The following C8orf34 variants were observed in gnomAD, a reference collection of about 807,000 sequenced individuals.
C8orf34 encodes the protein chromosome 8 open reading frame 34.
In C8orf34, 65 loss-of-function variants were observed where a neutral mutation model predicts 68.3. The observed-to-expected ratio is 0.95, with a 90% CI of 0.78 to 1.17. C8orf34 has a LOEUF of 1.17. C8orf34 is among the 50% of genes most tolerant of loss of function. The pLI, the probability that C8orf34 is intolerant of heterozygous loss-of-function variation, is 0.00. For missense variants in C8orf34, 664 were observed against 655.4 expected, an observed-to-expected ratio of 1.01 and a Z score of -0.14; for synonymous variants, 244 against 241.2, an observed-to-expected ratio of 1.01 and a Z score of -0.11.
chr8:68,765,268 T>C (rs780577270), intron 10 of C8orf34, among the ~76,000 whole-genome samples: 8 of 152,218 alleles, frequency 5.3e-5, no homozygotes, highest in African/African-American at 1.2e-4. Flanking sequence ...ATTTGCCCAA[T>C]GTGCGTAAGC....
chr8:68,587,273 A>G (rs1394810368), intron 7 of C8orf34, among the ~76,000 whole-genome samples: 1 of 152,168 alleles, frequency 6.6e-6, no homozygotes, highest in Non-Finnish European at 1.5e-5. Flanking sequence ...TTTAGGCACT[A>G]AATAATGGCA....
intron 5 of C8orf34, among the ~76,000 whole-genome samples, chr8:68,497,610 A>G (rs62521859): frequency 0.018 from 2,799 of 152,282 alleles, 48 homozygotes; most frequent in Admixed American, 0.037. Context: ...AAAAACCAAA[A>G]TGTCCATTAA....
intron 8 of C8orf34, among the ~76,000 whole-genome samples, chr8:68,666,295 T>C (rs1819838583): frequency 6.6e-6 from 1 of 152,184 alleles, no homozygotes; most frequent in Admixed American, 6.5e-5. Flanking sequence ...GCTATTATAT[T>C]AGCATAATGA....
chr8:68,518,686 A>G (rs895025395), intron 5 of C8orf34, among the ~76,000 whole-genome samples: 3 of 152,130 alleles, frequency 2.0e-5, no homozygotes, highest in African/African-American at 7.2e-5. Context: ...TCACAAGGTC[A>G]AGAGATTGAG....
At chr8:68,783,067 C>A (rs77621771) in intron 11 of C8orf34, among the ~76,000 whole-genome samples, 126 of 128,802 alleles carry the variant, frequency 9.8e-4, no homozygotes, top group South Asian at 1.3e-3. Flanking sequence ...GAACATGTCT[C>A]AAAAAAAAAA....
intron 6 of C8orf34, chr8:68,525,752 A>G (rs756418740): frequency 7.8e-5 from 49 of 628,044 alleles, no homozygotes; most frequent in African/African-American, 5.3e-4. Flanking sequence ...GTGATCATCA[A>G]TGATTTTAGA....
chr8:68,471,701 A>G (rs970763144), intron 4 of C8orf34, among the ~76,000 whole-genome samples: 4 of 152,114 alleles, frequency 2.6e-5, no homozygotes, highest in Non-Finnish European at 5.9e-5. Flanking sequence ...CTTTCTTTCC[A>G]GTGGCATAAT....
intron 12 of C8orf34, among the ~76,000 whole-genome samples, chr8:68,812,745 A>G (rs1166547423): frequency 1.3e-5 from 2 of 152,190 alleles, no homozygotes; most frequent in Non-Finnish European, 2.9e-5. Context: ...TGAATGAATA[A>G]ATGAATAAAT....
At chr8:68,700,805 G>A (rs1182996868) in intron 8 of C8orf34, among the ~76,000 whole-genome samples, 2 of 152,042 alleles carry the variant, frequency 1.3e-5, no homozygotes, top group African/African-American at 2.4e-5. Context: ...TTGAGTGAGT[G>A]ACAATAAGTT....
chr8:68,628,983 A>C (rs920016), intron 7 of C8orf34, among the ~76,000 whole-genome samples: 21,157 of 152,142 alleles, frequency 0.14, 1,530 homozygotes, highest in Admixed American at 0.21. Context: ...ACACACTTTT[A>C]AAGGGTATGT....
At chr8:68,440,142 A>G (rs955350723) in intron 2 of C8orf34, among the ~76,000 whole-genome samples, 2 of 152,204 alleles carry the variant, frequency 1.3e-5, no homozygotes, top group South Asian at 2.1e-4. Flanking sequence ...TTTCGAGTGT[A>G]TCATAGCCTC....
chr8:68,730,546 AC>A (rs374823893), intron 10 of C8orf34, among the ~76,000 whole-genome samples: 1 of 152,256 alleles, frequency 6.6e-6, no homozygotes, highest in African/African-American at 2.4e-5. Context: ...ATTTTTTAAA[AC>A]ATCTATGAGT....
chr8:68,608,140 T>C (rs1429638897), intron 7 of C8orf34, among the ~76,000 whole-genome samples: 2 of 152,004 alleles, frequency 1.3e-5, no homozygotes, highest in Non-Finnish European at 2.9e-5. Flanking sequence ...ACAATAAAAC[T>C]TGGACTCTGT....
At chr8:68,626,609 A>C (rs1289717532) in intron 7 of C8orf34, among the ~76,000 whole-genome samples, 3 of 152,208 alleles carry the variant, frequency 2.0e-5, no homozygotes, top group Admixed American at 2.0e-4. Context: ...ATTAAGAATC[A>C]AAATATCATC....
chr8:68,712,964 T>A (rs752137634), intron 9 of C8orf34, among the ~76,000 whole-genome samples: 3 of 151,894 alleles, frequency 2.0e-5, no homozygotes, highest in Non-Finnish European at 4.4e-5. Context: ...CAAAATTATA[T>A]CAAGTACTCT....
intron 8 of C8orf34, among the ~76,000 whole-genome samples, chr8:68,679,213 G>A (rs2130870047): frequency 6.6e-6 from 1 of 152,172 alleles, no homozygotes; most frequent in South Asian, 2.1e-4. Flanking sequence ...CTTGTATCTG[G>A]GAGGCAGAGG....
At chr8:68,764,475 G>T (rs1823112787) in intron 10 of C8orf34, among the ~76,000 whole-genome samples, 1 of 152,176 alleles carries the variant, frequency 6.6e-6, no homozygotes, top group Admixed American at 6.5e-5. Flanking sequence ...ATAGTGGGGA[G>T]TCAAGACAGC....
intron 1 of C8orf34, among the ~76,000 whole-genome samples, chr8:68,334,663 T>A (rs929918389): frequency 2.6e-5 from 4 of 152,106 alleles, no homozygotes; most frequent in Admixed American, 6.5e-5. Context: ...ATGGAATTTT[T>A]AAATTTGTGT....
intron 1 of C8orf34, among the ~76,000 whole-genome samples, chr8:68,425,224 A>G (rs1451871971): frequency 6.6e-6 from 1 of 152,210 alleles, no homozygotes. Context: ...TTTGAGTTCT[A>G]GACAAGGATG....
Sources: gnomAD v4.1 joint callset for allele counts (sites outside exome capture counted in the v4.1 genomes callset) on GRCh38, gnomAD v4.1.1 for gene constraint, MANE v1.5 for transcripts, NCBI Gene and HGNC (gene_info 2026-07-23, HGNC 2026-07-21) for gene names.